The following RGS7 variants were observed in gnomAD, a reference collection of about 807,000 sequenced individuals.
RGS7 encodes regulator of G-protein signaling 7.
In RGS7, 27 loss-of-function variants were observed where a neutral mutation model predicts 81.1. The observed-to-expected ratio is 0.33, with a 90% CI of 0.25 to 0.46. The LOEUF (loss-of-function observed/expected upper bound fraction) is 0.46, where lower values mean the gene tolerates loss of function less well. Among genes scored for constraint, RGS7 ranks in the 20% least tolerant of loss-of-function variants. RGS7 has a pLI of 1.00. For synonymous variants in RGS7, 208 were observed against 207.7 expected, an observed-to-expected ratio of 1.00 and a Z score of -0.01; for missense variants, 396 against 607.4, an observed-to-expected ratio of 0.65 and a Z score of 3.66.
At chr1:240,785,370 C>A (rs899224186) in intron 18 of RGS7, among the ~76,000 whole-genome samples, 2 of 152,224 alleles carry the variant, frequency 1.3e-5, no homozygotes, top group Non-Finnish European at 2.9e-5. Flanking sequence ...AGCTTTCTAA[C>A]TATCCCTAAA....
intron 4 of RGS7, among the ~76,000 whole-genome samples, chr1:240,976,537 T>C (rs1684086523): frequency 6.6e-6 from 1 of 152,316 alleles, no homozygotes; most frequent in Admixed American, 6.5e-5. Context: ...CTTCGTAATG[T>C]GGGTGGGCTT....
At chr1:241,015,022 A>T (rs2059152682) in intron 3 of RGS7, among the ~76,000 whole-genome samples, 1 of 152,220 alleles carries the variant, frequency 6.6e-6, no homozygotes, top group African/African-American at 2.4e-5. Context: ...CAGGTTTCAG[A>T]AAACCCCTTC....
At chr1:241,093,780 G>A (rs1375867007) in intron 3 of RGS7, among the ~76,000 whole-genome samples, 1 of 152,000 alleles carries the variant, frequency 6.6e-6, no homozygotes, top group African/African-American at 2.4e-5. Flanking sequence ...ACTCCAGAGT[G>A]GCATTTCATC....
intron 6 of RGS7, among the ~76,000 whole-genome samples, chr1:240,907,081 C>CT (rs1388521530): frequency 1.3e-5 from 2 of 152,004 alleles, no homozygotes; most frequent in Admixed American, 6.6e-5. Context: ...CGGACTTTGG[C>CT]TGCCTCACCT....
At chr1:241,258,555 A>G (rs10926442) in intron 2 of RGS7, among the ~76,000 whole-genome samples, 17,003 of 152,266 alleles carry the variant, frequency 0.11, 1,045 homozygotes, top group East Asian at 0.15. Flanking sequence ...AGATAAAAGG[A>G]GGAAATCATA....
At chr1:240,912,136 G>A (rs1383114071) in intron 6 of RGS7, among the ~76,000 whole-genome samples, 1 of 110,538 alleles carries the variant, frequency 9.0e-6, no homozygotes, top group Non-Finnish European at 1.7e-5. Flanking sequence ...GGGCGACACA[G>A]CGAGATTCTG....
intron 18 of RGS7, among the ~76,000 whole-genome samples, chr1:240,797,409 T>C (rs1459888924): frequency 1.3e-5 from 2 of 152,238 alleles, no homozygotes; most frequent in Non-Finnish European, 2.9e-5. Flanking sequence ...TGGAGTGCAA[T>C]GGCATGATCT....
At chr1:240,909,869 T>A (rs1458600221) in intron 6 of RGS7, among the ~76,000 whole-genome samples, 1 of 152,184 alleles carries the variant, frequency 6.6e-6, no homozygotes, top group Non-Finnish European at 1.5e-5. Context: ...AACCACTGAC[T>A]TATCAGTGCA....
At chr1:241,152,085 G>A (rs2068794575) in intron 2 of RGS7, among the ~76,000 whole-genome samples, 1 of 149,180 alleles carries the variant, frequency 6.7e-6, no homozygotes, top group Non-Finnish European at 1.5e-5. Flanking sequence ...CTTCCAATGA[G>A]TGAAAATGAA....
chr1:241,301,041 G>C (rs1242374170), intron 2 of RGS7, among the ~76,000 whole-genome samples: 3 of 152,112 alleles, frequency 2.0e-5, no homozygotes, highest in Admixed American at 1.3e-4. Flanking sequence ...ATTCTTATTT[G>C]CCAGGCCTTT....
intron 2 of RGS7, among the ~76,000 whole-genome samples, chr1:241,255,672 T>A (rs2077025965): frequency 6.6e-6 from 1 of 152,180 alleles, no homozygotes; most frequent in Non-Finnish European, 1.5e-5. Flanking sequence ...CTTCTTTAGA[T>A]AAATGTGGAG....
intron 2 of RGS7, among the ~76,000 whole-genome samples, chr1:241,313,002 C>A (rs906143134): frequency 5.3e-5 from 8 of 152,168 alleles, no homozygotes; most frequent in African/African-American, 1.4e-4. Context: ...CCCGCCACAA[C>A]ATTCTCATAA....
intron 2 of RGS7, among the ~76,000 whole-genome samples, chr1:241,347,131 G>A (rs1220720519): frequency 6.6e-6 from 1 of 152,190 alleles, no homozygotes; most frequent in Non-Finnish European, 1.5e-5. Flanking sequence ...TGAAGGTCAT[G>A]TAGATTTGTA....
chr1:240,997,407 C>G (rs1277849810), intron 3 of RGS7, among the ~76,000 whole-genome samples: 1 of 152,130 alleles, frequency 6.6e-6, no homozygotes, highest in African/African-American at 2.4e-5. Context: ...GTATGGAACC[C>G]TATGTCTCTT....
intron 3 of RGS7, among the ~76,000 whole-genome samples, chr1:241,004,592 A>C (rs1156325393): frequency 6.6e-6 from 1 of 152,192 alleles, no homozygotes; most frequent in Non-Finnish European, 1.5e-5. Flanking sequence ...CCAAAGATAT[A>C]GAGGAAATTG....
At chr1:240,803,321 T>C (rs1688303511) in intron 15 of RGS7, among the ~76,000 whole-genome samples, 1 of 152,096 alleles carries the variant, frequency 6.6e-6, no homozygotes, top group Non-Finnish European at 1.5e-5. Context: ...TATAACTAAA[T>C]TTGCTGTCTC....
At chr1:241,322,361 A>G (rs1261025236) in intron 2 of RGS7, among the ~76,000 whole-genome samples, 9 of 152,218 alleles carry the variant, frequency 5.9e-5, no homozygotes, top group African/African-American at 2.2e-4. Flanking sequence ...ATAATCACAC[A>G]TATCGACTAC....
intron 4 of RGS7, among the ~76,000 whole-genome samples, chr1:240,977,359 T>C (rs1409854158): frequency 6.6e-6 from 1 of 152,228 alleles, no homozygotes; most frequent in East Asian, 1.9e-4. Context: ...TTCTGTGTTT[T>C]GCATTTGCAT....
At chr1:241,077,619 C>T (rs1215902929) in intron 3 of RGS7, among the ~76,000 whole-genome samples, 1 of 152,220 alleles carries the variant, frequency 6.6e-6, no homozygotes, top group Non-Finnish European at 1.5e-5. Context: ...CACACTTCTT[C>T]AGCCCTCCAG....
Sources: allele counts gnomAD v4.1 joint callset (sites outside exome capture counted in the v4.1 genomes callset), GRCh38; gene constraint gnomAD v4.1.1; transcripts MANE v1.5; gene names NCBI Gene and HGNC (gene_info 2026-07-23, HGNC 2026-07-21).